The following ACBD6 variants were observed in gnomAD, a reference collection of about 807,000 sequenced individuals.
ACBD6 encodes the protein acyl-CoA-binding domain-containing protein 6.
A neutral mutation model predicts 37.2 loss-of-function variants in ACBD6; 28 were observed. The ratio of observed to expected loss-of-function variants is 0.75; its 90% CI spans 0.56 to 1.03. ACBD6 has a LOEUF of 1.03. Among genes scored for constraint, ACBD6 ranks in the 50% least tolerant of loss-of-function variants. The pLI, the probability that ACBD6 is intolerant of heterozygous loss-of-function variation, is 0.00. For missense variants in ACBD6, 340 were observed against 337.4 expected, an observed-to-expected ratio of 1.01 and a Z score of -0.06; for synonymous variants, 113 against 126.8, an observed-to-expected ratio of 0.89 and a Z score of 0.73.
At chr1:180,472,497 A>T (rs1344757362) in intron 3 of ACBD6, among the ~76,000 whole-genome samples, 1 of 152,208 alleles carries the variant, frequency 6.6e-6, no homozygotes, top group Non-Finnish European at 1.5e-5. Flanking sequence ...AAGACACTAC[A>T]AACACAAAGG....
At chr1:180,350,325 T>C (rs1247745105) in intron 6 of ACBD6, among the ~76,000 whole-genome samples, 1 of 152,190 alleles carries the variant, frequency 6.6e-6, no homozygotes, top group Non-Finnish European at 1.5e-5. Flanking sequence ...TGAGCCACCA[T>C]GCCTGGCCGA....
At chr1:180,386,556 A>C (rs1653852449) in intron 6 of ACBD6, among the ~76,000 whole-genome samples, 1 of 152,126 alleles carries the variant, frequency 6.6e-6, no homozygotes, top group Non-Finnish European at 1.5e-5. Flanking sequence ...CTCTGATGAC[A>C]AAAAAAGTTA....
intron 9 of ACBD6, chr1:180,276,012 C>G (rs1042052918): frequency 1.3e-5 from 2 of 152,238 alleles, no homozygotes; most frequent in Non-Finnish European, 2.9e-5. Context: ...ACCTTGTGCA[C>G]CCATCTACCA....
chr1:180,329,579 T>G (rs1189619401), intron 6 of ACBD6, among the ~76,000 whole-genome samples: 1 of 152,182 alleles, frequency 6.6e-6, no homozygotes, highest in African/African-American at 2.4e-5. Context: ...TTCATGTTGG[T>G]TTTATCTTGG....
chr1:180,389,032 T>G (rs1198209054), intron 6 of ACBD6, among the ~76,000 whole-genome samples: 4 of 152,192 alleles, frequency 2.6e-5, no homozygotes, highest in Non-Finnish European at 5.9e-5. Flanking sequence ...ACTTTAAGTT[T>G]TAGGGTACAT....
chr1:180,462,231 C>T (rs1159992606), intron 3 of ACBD6, among the ~76,000 whole-genome samples: 3 of 151,806 alleles, frequency 2.0e-5, no homozygotes, highest in African/African-American at 4.8e-5. Context: ...AGTGAGACTC[C>T]GTCTCAAAAA....
chr1:180,443,029 G>T (rs1169160594), intron 3 of ACBD6, among the ~76,000 whole-genome samples: 2 of 151,630 alleles, frequency 1.3e-5, no homozygotes, highest in East Asian at 3.9e-4. Flanking sequence ...AAGCTTTAAA[G>T]ACCTGTATTG....
intron 6 of ACBD6, among the ~76,000 whole-genome samples, chr1:180,382,739 A>G (rs1188999898): frequency 1.3e-5 from 2 of 152,176 alleles, no homozygotes; most frequent in East Asian, 1.9e-4. Flanking sequence ...AAAATCAGAT[A>G]AGGGCTCAAC....
At chr1:180,455,671 T>C (rs1158115417) in intron 3 of ACBD6, among the ~76,000 whole-genome samples, 2 of 152,166 alleles carry the variant, frequency 1.3e-5, no homozygotes, top group Admixed American at 6.5e-5. Flanking sequence ...AAGAAGGCAT[T>C]ACTTTAATAG....
chr1:180,458,137 A>G lies in ACBD6; in HGVS notation c.385-27875T>C, dbSNP rs927358056. Among the ~76,000 whole-genome samples the G allele has an allele frequency of 2.6e-5, 4 of 152,170 alleles. No individual in the cohort carries two copies. The East Asian group carries it at 5.8e-4, about 22-fold the overall frequency. ...CCAATGTTGATAGTATAATCCTAAT[A>G]TATCTTTCCTACGGCATGGCTCAAA... On this transcript the variant is annotated intron_variant, in intron 3 of 7. Transcript: ENST00000367595.
intron 8 of ACBD6, among the ~76,000 whole-genome samples, chr1:180,283,133 G>GT (rs1649364980): frequency 6.6e-6 from 1 of 152,088 alleles, no homozygotes; most frequent in Non-Finnish European, 1.5e-5. Context: ...GCATAAGCTT[G>GT]TACTTTAAAA....
intron 3 of ACBD6, among the ~76,000 whole-genome samples, chr1:180,466,696 T>C (rs1650360234): frequency 6.6e-6 from 1 of 152,210 alleles, no homozygotes; most frequent in South Asian, 2.1e-4. Flanking sequence ...GTCCATTATA[T>C]AGCTCATGAA....
At chr1:180,320,284 T>G (rs1251283398) in intron 6 of ACBD6, among the ~76,000 whole-genome samples, 1 of 152,224 alleles carries the variant, frequency 6.6e-6, no homozygotes, top group Non-Finnish European at 1.5e-5. Flanking sequence ...ATATAACTGA[T>G]TGCCATTTTT....
At chr1:180,342,853 GC>G (rs1652031074) in intron 6 of ACBD6, among the ~76,000 whole-genome samples, 2 of 151,918 alleles carry the variant, frequency 1.3e-5, no homozygotes, top group Non-Finnish European at 2.9e-5. Context: ...ATAAGTGAAA[GC>G]TTTTACTCAT....
At chr1:180,308,672 T>C (rs1031795563) in intron 7 of ACBD6, among the ~76,000 whole-genome samples, 31 of 152,302 alleles carry the variant, frequency 2.0e-4, no homozygotes, top group Non-Finnish European at 4.1e-4. Flanking sequence ...TCCTGGCTCA[T>C]GTGCAGGATC....
At chr1:180,417,318 G>A (rs771927476) in intron 4 of ACBD6, among the ~76,000 whole-genome samples, 1 of 152,078 alleles carries the variant, frequency 6.6e-6, no homozygotes, top group Admixed American at 6.5e-5. Context: ...CTCCTCGTTT[G>A]TAAAGGAGAG....
chr1:180,419,520 G>A (rs996787554), intron 4 of ACBD6, among the ~76,000 whole-genome samples: 2 of 152,130 alleles, frequency 1.3e-5, no homozygotes, highest in African/African-American at 2.4e-5. Flanking sequence ...AAAGGAATTC[G>A]TATAAGTTGA....
At chr1:180,331,701 G>A (rs1651486901) in intron 6 of ACBD6, among the ~76,000 whole-genome samples, 1 of 152,202 alleles carries the variant, frequency 6.6e-6, no homozygotes, top group Non-Finnish European at 1.5e-5. Flanking sequence ...TGGACAAAGA[G>A]ATGCATGAGG....
At chr1:180,387,431 T>A (rs987203932) in intron 6 of ACBD6, among the ~76,000 whole-genome samples, 2 of 152,234 alleles carry the variant, frequency 1.3e-5, no homozygotes, top group African/African-American at 4.8e-5. Context: ...TGGTCTCCAC[T>A]GACACCACAC....
Sources: gnomAD v4.1 joint callset for allele counts (sites outside exome capture counted in the v4.1 genomes callset) on GRCh38, gnomAD v4.1.1 for gene constraint, MANE v1.5 for transcripts, NCBI Gene and HGNC (gene_info 2026-07-23, HGNC 2026-07-21) for gene names.